Variants in KMT2E observed in about 807,000 individuals in gnomAD.
KMT2E encodes lysine methyltransferase 2E (inactive).
A neutral mutation model predicts 184.6 loss-of-function variants in KMT2E; 30 were observed. That is an observed-to-expected ratio of 0.16 (90% CI 0.12 to 0.22). KMT2E has a LOEUF of 0.22. KMT2E is among the 10% of genes least tolerant of loss of function. The probability of loss-of-function intolerance (pLI) is 1.00; values close to 1 mark genes in which losing one functional copy is unlikely to be tolerated. For missense variants in KMT2E, 2,023 were observed against 2,237.4 expected (o/e 0.90, Z 1.93); for synonymous variants, 815 against 776.5 (o/e 1.05, Z -0.82).
At chr7:105,106,390 C>G in intron 19 of KMT2E, 132 bp from the exon 20 acceptor site, 1 of 842,038 alleles carries the variant, frequency 1.2e-6, no homozygotes, top group Non-Finnish European at 1.8e-6. Context: ...TTTTTAAAAC[C>G]GTGAAATTCA....
At chr7:105,043,946 A>C (rs1328407679) in intron 3 of KMT2E, among the ~76,000 whole-genome samples, 1 of 152,110 alleles carries the variant, frequency 6.6e-6, no homozygotes, top group Non-Finnish European at 1.5e-5. Context: ...AATTTTTTAA[A>C]AATTAGCTGG....
chr7:105,036,367 C>T (rs1296038493), intron 1 of KMT2E, among the ~76,000 whole-genome samples: 3 of 151,912 alleles, frequency 2.0e-5, no homozygotes, highest in African/African-American at 4.8e-5. Context: ...CACGGTTACA[C>T]CATGTTGGCC....
intron 5 of KMT2E, among the ~76,000 whole-genome samples, chr7:105,065,769 C>A (rs1489439348): frequency 4.6e-5 from 7 of 151,916 alleles, no homozygotes; most frequent in African/African-American, 1.5e-4. Flanking sequence ...AATGAAACCA[C>A]GAAAAGCAAA....
intron 1 of KMT2E, among the ~76,000 whole-genome samples, chr7:105,016,450 G>A (rs1338717975): frequency 6.6e-6 from 1 of 152,124 alleles, no homozygotes; most frequent in Non-Finnish European, 1.5e-5. Context: ...TTATAGGATT[G>A]TGGAATTTAG....
intron 1 of KMT2E, among the ~76,000 whole-genome samples, chr7:105,033,153 A>G (rs1584702610): frequency 6.6e-6 from 1 of 152,186 alleles, no homozygotes; most frequent in East Asian, 1.9e-4. Flanking sequence ...CTTCAAGTGG[A>G]CACTAACAAT....
At chr7:105,099,875 C>T (rs1014034793) in intron 15 of KMT2E, among the ~76,000 whole-genome samples, 15 of 152,158 alleles carry the variant, frequency 9.9e-5, no homozygotes, top group Non-Finnish European at 1.9e-4. Context: ...TTTTTAGTTA[C>T]TCCAAATTTC....
chr7:105,113,016 G>T lies in KMT2E; in HGVS notation c.5260G>T (p.Ala1754Ser), dbSNP rs1288138644. The change falls in exon 27 of 27, where the codon GCT becomes TCT. Residue 1754 changes from alanine (A) to serine (S), a missense_variant. This residue lies in a region of KMT2E where 1,108 missense variants were observed against 1,050.9 expected (regional missense o/e 1.05). Coordinates refer to ENST00000311117, the MANE Select transcript of KMT2E (RefSeq NM_182931.3). ...HQGPPLFPSS[A>S]HPTVPPYPSQ... The stretch of plus-strand genomic sequence containing the variant: ...AGGACCTCCACTTTTTCCTTCGAGT[G>T]CTCATCCAACTGTACCACCGTATCC... The T allele has an allele frequency of 6.2e-7, 1 of 1,613,754 alleles. No homozygotes were observed. The highest frequency in any genetic ancestry group is 8.5e-7 in the Non-Finnish European group (1 of 1,179,960).
chr7:105,014,316 G>C lies in KMT2E; in HGVS notation c.-408G>C, dbSNP rs1794617076. The stretch of plus-strand genomic sequence containing the variant: ...AGACACTCCGAGCAGCCTCGCCGTC[G>C]TCTCTGCGTTCCTGTTGACTGCCTG... On this transcript the variant is annotated 5_prime_UTR_variant, in exon 1 of 27. Transcript: ENST00000311117. The C allele has an allele frequency of 6.4e-6, 1 of 156,196 alleles. No homozygotes were observed. The highest frequency in any genetic ancestry group is 1.4e-5 in the Non-Finnish European group (1 of 70,230). The allele number at this position is 156,196 out of a possible 1,614,324, so 9.7% of individuals were successfully genotyped here.
At chr7:105,082,906 T>C (rs1797815410) in intron 13 of KMT2E, among the ~76,000 whole-genome samples, 1 of 152,234 alleles carries the variant, frequency 6.6e-6, no homozygotes, top group Admixed American at 6.5e-5. Context: ...CTGCTTTTTC[T>C]ACATCTTCTT....
At chr7:105,031,704 A>G (rs918541333) in intron 1 of KMT2E, among the ~76,000 whole-genome samples, 1 of 151,734 alleles carries the variant, frequency 6.6e-6, no homozygotes, top group Non-Finnish European at 1.5e-5. Flanking sequence ...GTGACTCGAG[A>G]TTGTGCTACA....
At chr7:105,038,284 C>T (rs146571216) in intron 2 of KMT2E, 85 bp downstream of exon 2, 1 of 152,156 alleles carries the variant, frequency 6.6e-6, no homozygotes, top group East Asian at 1.9e-4. Flanking sequence ...GCTGGATGAC[C>T]AGTTTTTTGA....
chr7:105,092,701 C>G (rs1264457061), intron 15 of KMT2E, among the ~76,000 whole-genome samples: 2 of 152,112 alleles, frequency 1.3e-5, no homozygotes, highest in Non-Finnish European at 2.9e-5. Context: ...TTCAAGTTAC[C>G]TATGGCTCTT....
chr7:105,106,867 G>A, intron 20 of KMT2E, 95 bp downstream of exon 20: 1 of 1,204,424 alleles, frequency 8.3e-7, no homozygotes, highest in Non-Finnish European at 1.2e-6. Flanking sequence ...CTAGTGTGCT[G>A]AGAATACAAA....
intron 13 of KMT2E, among the ~76,000 whole-genome samples, chr7:105,085,035 ACTTTTT>A (rs1030620824): frequency 4.6e-5 from 7 of 150,828 alleles, no homozygotes; most frequent in South Asian, 4.2e-4. Context: ...TCTTGACATA[ACTTTTT>A]CTTTTTTTTT....
chr7:105,041,001 T>C lies in KMT2E; in HGVS notation c.49T>C (p.Leu17=). The change falls in exon 3 of 27, where the codon TTG becomes CTG. Residue 17 remains leucine (L), a synonymous_variant. Transcript: ENST00000311117. ...GGTTGATACAGCAGAGACGTCATAC[T>C]TGGAAATGGCTGCAGGTTCAGAGTA... ...LGVDTAETSY[L]EMAAGSEPES... 1 of 1,610,740 alleles carries C rather than the reference T, an allele frequency of 6.2e-7. No individual in the cohort carries two copies. Among genetic ancestry groups the C allele is most frequent in the Non-Finnish European group, 8.5e-7 (1 of 1,178,820 alleles).
At chr7:105,032,073 C>CAA (rs869308527) in intron 1 of KMT2E, among the ~76,000 whole-genome samples, 1,015 of 76,410 alleles carry the variant, frequency 0.013, 5 homozygotes, top group Non-Finnish European at 0.018. Flanking sequence ...ACTCTTATCA[C>CAA]AAAAAAAAAA....
At chr7:105,106,822 A>T (rs1798919388) in intron 20 of KMT2E, 50 bp downstream of exon 20, 4 of 1,573,960 alleles carry the variant, frequency 2.5e-6, no homozygotes, top group Non-Finnish European at 3.5e-6. Flanking sequence ...GGGGGATGGA[A>T]TTTCTTTTAA....
intron 3 of KMT2E, among the ~76,000 whole-genome samples, chr7:105,051,375 G>T (rs1255565117): frequency 6.6e-6 from 1 of 151,436 alleles, no homozygotes; most frequent in Non-Finnish European, 1.5e-5. Context: ...ACTAGAGGCG[G>T]GGTTTCTCCA....
intron 1 of KMT2E, among the ~76,000 whole-genome samples, chr7:105,016,924 A>G (rs1341563294): frequency 2.0e-5 from 3 of 152,236 alleles, no homozygotes; most frequent in Non-Finnish European, 4.4e-5. Context: ...TCATCATGGA[A>G]GACTGAGCAC....
Sources: gnomAD v4.1 joint callset for allele counts (sites outside exome capture counted in the v4.1 genomes callset) on GRCh38, gnomAD v4.1.1 for gene constraint, gnomAD v4.1.1 regional missense constraint, MANE v1.5 for transcripts, NCBI Gene and HGNC (gene_info 2026-07-23, HGNC 2026-07-21) for gene names.